The following SLC13A3 variants were observed in gnomAD, a reference collection of about 807,000 sequenced individuals.
The protein encoded by SLC13A3 is solute carrier family 13 member 3, also known as Na(+)/dicarboxylate cotransporter 3.
In SLC13A3, 40 loss-of-function variants were observed where a neutral mutation model predicts 59.0. The observed-to-expected ratio is 0.68, with a 90% confidence interval of 0.53 to 0.88. SLC13A3 has a LOEUF of 0.88. Among genes scored for constraint, SLC13A3 ranks in the 40% least tolerant of loss-of-function variants. The pLI is 0.00. For synonymous variants in SLC13A3, 317 were observed against 330.3 expected, an observed-to-expected ratio of 0.96 and a Z score of 0.44; for missense variants, 699 against 783.2, an observed-to-expected ratio of 0.89 and a Z score of 1.28.
upstream of SLC13A3, among the ~76,000 whole-genome samples, chr20:46,652,500 T>A (rs1385838026): frequency 1.3e-5 from 2 of 151,914 alleles, no homozygotes; most frequent in African/African-American, 4.8e-5. Context: ...TTCAAGCAAT[T>A]CTTCTGAGTA....
chr20:46,651,230 G>T, intron 1 of SLC13A3, 81 bp downstream of exon 1: 1 of 1,400,854 alleles, frequency 7.1e-7, no homozygotes, highest in Non-Finnish European at 9.3e-7. Flanking sequence ...TGGGACCTCA[G>T]CGGTCTCCCA....
upstream of SLC13A3, among the ~76,000 whole-genome samples, chr20:46,672,920 G>A (rs925089561): frequency 2.0e-5 from 3 of 152,058 alleles, no homozygotes; most frequent in Non-Finnish European, 2.9e-5. Context: ...TGCATTCCTC[G>A]ATGCCACGGA....
intron 5 of SLC13A3, among the ~76,000 whole-genome samples, chr20:46,595,263 G>A (rs1367514822): frequency 6.6e-6 from 1 of 152,234 alleles, no homozygotes; most frequent in Non-Finnish European, 1.5e-5. Context: ...GAAACCAGAG[G>A]TTTAGAATAA....
At chr20:46,620,378 C>T (rs976603310) in intron 1 of SLC13A3, among the ~76,000 whole-genome samples, 2 of 152,138 alleles carry the variant, frequency 1.3e-5, no homozygotes, top group African/African-American at 4.8e-5. Flanking sequence ...TAAACTCATA[C>T]TAACTTATTA....
intron 3 of SLC13A3, 110 bp downstream of exon 3, chr20:46,610,336 G>T: frequency 2.1e-6 from 2 of 961,898 alleles, no homozygotes; most frequent in Non-Finnish European, 3.1e-6. Context: ...ACGCATAGTA[G>T]GTGCTCAATA....
chr20:46,681,299 C>A (rs1465414249), intron 1 of SLC13A3, among the ~76,000 whole-genome samples: 1 of 152,156 alleles, frequency 6.6e-6, no homozygotes, highest in Non-Finnish European at 1.5e-5. Flanking sequence ...GTGCCTGCTA[C>A]ACTTAGGTGC....
chr20:46,600,543 A>G, intron 3 of SLC13A3: 1 of 410,234 alleles, frequency 2.4e-6, no homozygotes, highest in Non-Finnish European at 5.3e-6. Flanking sequence ...GCAGGGGTTT[A>G]GCTGCAGGGC....
intron 9 of SLC13A3, chr20:46,583,242 T>G: frequency 1.7e-6 from 1 of 578,518 alleles, no homozygotes; most frequent in Non-Finnish European, 2.2e-6. Context: ...GAAATTTAGA[T>G]TTCATGTAAC....
intron 12 of SLC13A3, among the ~76,000 whole-genome samples, chr20:46,562,821 G>A (rs935446493): frequency 2.0e-5 from 3 of 152,148 alleles, no homozygotes; most frequent in Admixed American, 1.3e-4. Context: ...TCCTGCAGGG[G>A]TCTTGTGCCT....
chr20:46,606,725 G>A (rs1207398217), intron 3 of SLC13A3, among the ~76,000 whole-genome samples: 1 of 152,184 alleles, frequency 6.6e-6, no homozygotes, highest in Non-Finnish European at 1.5e-5. Flanking sequence ...CAAAATCCAG[G>A]TGGGCCCCTT....
In SLC13A3 at chr20:46,560,076, G is replaced by T; in HGVS notation, c.1755C>A (p.Val585=). The change falls in exon 13 of 13, where the codon GTC becomes GTA. Residue 585 remains valine, a synonymous_variant. Coordinates refer to ENST00000279027, the MANE Select transcript of SLC13A3 (RefSeq NM_022829.6). ...TFPDWADMYS[V]NVTALPPTLA... ...AGGTGGGTGGCAATGCTGTGACATTGACCGAGTACATATCAGCCCAGTCCG... is the reference window on the plus strand; with the variant it reads ...AGGTGGGTGGCAATGCTGTGACATTTACCGAGTACATATCAGCCCAGTCCG... The T allele has an allele frequency of 6.2e-7, 1 of 1,614,160 alleles. No individual in the cohort carries two copies. Among genetic ancestry groups the T allele is most frequent in the Non-Finnish European group, 8.5e-7 (1 of 1,180,028 alleles).
intron 1 of SLC13A3, among the ~76,000 whole-genome samples, chr20:46,676,573 TC>T (rs2063127498): frequency 6.6e-6 from 1 of 151,958 alleles, no homozygotes; most frequent in Non-Finnish European, 1.5e-5. Flanking sequence ...TCTTTTCTTT[TC>T]TTTTTCTTTA....
chr20:46,628,169 CCA>C (rs2062696577), intron 1 of SLC13A3, among the ~76,000 whole-genome samples: 1 of 152,124 alleles, frequency 6.6e-6, no homozygotes, highest in African/African-American at 2.4e-5. Context: ...GAGTGTGGGG[CCA>C]CATGATCCCG....
At chr20:46,597,149 T>A (rs909556745) in intron 4 of SLC13A3, among the ~76,000 whole-genome samples, 7 of 152,246 alleles carry the variant, frequency 4.6e-5, no homozygotes, top group African/African-American at 1.7e-4. Context: ...CAAGTTGTTT[T>A]GATACCTTTC....
chr20:46,668,344 A>G (rs1003223832), intron 1 of SLC13A3, among the ~76,000 whole-genome samples: 4 of 152,364 alleles, frequency 2.6e-5, no homozygotes, highest in African/African-American at 9.6e-5. Context: ...CATGGATGAT[A>G]AGAAAGCAAA....
At chr20:46,595,156 T>G (rs1450880052) in intron 5 of SLC13A3, among the ~76,000 whole-genome samples, 1 of 152,126 alleles carries the variant, frequency 6.6e-6, no homozygotes, top group Non-Finnish European at 1.5e-5. Context: ...CTATGCTACA[T>G]CTCCACTGCA....
Position 46,566,366 on chromosome 20 carries a change from C to A in SLC13A3, c.1357G>T (p.Gly453Cys). The change falls in exon 11 of 13, where the codon GGT becomes TGT. Residue 453 changes from glycine to cysteine, a missense_variant. By Grantham distance (159) the Gly-to-Cys change is radical. Transcript: ENST00000279027. ...TTCTCCAGGGGGTGCAGCTGCCCACCAATCCATACAGACAGCCCCGATTCC... is the reference window on the plus strand; with the variant it reads ...TTCTCCAGGGGGTGCAGCTGCCCACAAATCCATACAGACAGCCCCGATTCC... ...CEESGLSVWI[G>C]GQLHPLENVP... 6.2e-7 allele frequency: 1 copy of A among 1,613,076 alleles called. No individual in the cohort carries two copies. Among genetic ancestry groups the A allele is most frequent in the Non-Finnish European group, 8.5e-7 (1 of 1,179,280 alleles).
At chr20:46,588,214 C>G (rs3752267) in intron 7 of SLC13A3, 51 bp from the exon 8 acceptor site, 6 of 1,163,978 alleles carry the variant, frequency 5.2e-6, no homozygotes, top group Non-Finnish European at 6.3e-6. Flanking sequence ...TCAGGCAGAC[C>G]GCAGCAGGCA....
chr20:46,585,392 C>T, intron 8 of SLC13A3: 2 of 997,212 alleles, frequency 2.0e-6, no homozygotes, highest in Non-Finnish European at 2.4e-6. Context: ...TATGAGTATG[C>T]ATAACTTTTG....
Sources: allele counts gnomAD v4.1 joint callset (sites outside exome capture counted in the v4.1 genomes callset), GRCh38; gene constraint gnomAD v4.1.1; transcripts MANE v1.5; gene names NCBI Gene and HGNC (gene_info 2026-07-23, HGNC 2026-07-21).